Variants in SPG7 observed in about 807,000 individuals in gnomAD.
SPG7 encodes SPG7 matrix AAA peptidase subunit, paraplegin.
A neutral mutation model predicts 81.9 loss-of-function variants in SPG7; 103 were observed. The observed-to-expected ratio is 1.26, with a 90% CI of 1.07 to 1.48. The LOEUF (loss-of-function observed/expected upper bound fraction) is 1.48, where lower values mean the gene tolerates loss of function less well. SPG7 is among the 40% of genes most tolerant of loss of function. SPG7 has a pLI of 0.00. For synonymous variants in SPG7, 534 were observed against 444.2 expected, an observed-to-expected ratio of 1.20 and a Z score of -2.54; for missense variants, 1,241 against 1,087.3, an observed-to-expected ratio of 1.14 and a Z score of -1.99.
rs1387134482 is a variant in SPG7, at chr16:89,544,665, C to T, written c.1342C>T (p.His448Tyr). 1.2e-6 allele frequency: 2 copies of T among 1,614,094 alleles called. No homozygotes were observed. The highest frequency in any genetic ancestry group is 1.7e-6 in the Non-Finnish European group (2 of 1,179,980). The part of the protein sequence containing the change: ...VEMDGMGTTD[H>Y]VIVLASTNRA... ...CCCCTCAGGAATGGGTACCACAGACCATGTCATCGTCCTGGCGTCCACGAA... is the reference window on the plus strand; with the variant it reads ...CCCCTCAGGAATGGGTACCACAGACTATGTCATCGTCCTGGCGTCCACGAA... The change falls in exon 10 of 17, where the codon CAT becomes TAT. Residue 448 changes from histidine (H) to tyrosine (Y), a missense_variant. By Grantham distance (83) the His-to-Tyr change is moderately conservative. Transcript: ENST00000645818.
intron 16 of SPG7, chr16:89,555,968 G>A: frequency 2.5e-6 from 1 of 398,850 alleles, no homozygotes; most frequent in Non-Finnish European, 4.4e-6. Context: ...GGTGTGGGCG[G>A]TGCCGTCCCC....
At position 89,508,538 on chromosome 16, in the gene SPG7, C is replaced by T; in HGVS notation, c.121C>T (p.Arg41Trp). 1 of 1,511,674 alleles carries T rather than the reference C, an allele frequency of 6.6e-7. No homozygotes were observed. Among genetic ancestry groups the T allele is most frequent in the Non-Finnish European group, 8.8e-7 (1 of 1,135,476 alleles). The allele number at this position is 1,511,674 out of a possible 1,614,324, so 93.6% of individuals were successfully genotyped here. A position where few individuals can be genotyped will look rare whatever the true frequency, so the allele number is the denominator to read the frequency against. The change falls in exon 1 of 17, where the codon CGG becomes TGG. Residue 41 changes from arginine (R) to tryptophan (W), a missense_variant. Arg to Trp is a moderately radical substitution (Grantham distance 101, BLOSUM62 -3). Transcript: ENST00000645818. Reference protein sequence around the residue: ...PGFPARPGRGRPYMASRPPGD... With the variant: ...PGFPARPGRGWPYMASRPPGD... ...GTTCCCCGCCAGGCCCGGGAGGGGG[C>T]GGCCGTACATGGCCAGCAGGCCTCC...
intron 4 of SPG7, among the ~76,000 whole-genome samples, chr16:89,525,815 A>G (rs1479677503): frequency 6.6e-6 from 1 of 152,070 alleles, no homozygotes. Context: ...TGATTTTGCC[A>G]TCCTCAGTCC....
intron 5 of SPG7, chr16:89,529,126 T>C: frequency 2.8e-6 from 1 of 356,952 alleles, no homozygotes; most frequent in East Asian, 7.1e-5. Context: ...ATTTGCTTTT[T>C]ACTCTTAGGC....
intron 9 of SPG7, chr16:89,533,438 A>T (rs2058373285): frequency 1.3e-5 from 2 of 152,106 alleles, no homozygotes. Context: ...AAGTGCTGAG[A>T]TTACAGACGT....
intron 5 of SPG7, 152 bp downstream of exon 5, chr16:89,526,620 T>C (rs2058263756): frequency 1.4e-5 from 10 of 707,618 alleles, no homozygotes; most frequent in East Asian, 3.0e-5. Context: ...AAGTGAATGA[T>C]ACAATGCCAG....
chr16:89,518,514 G>A (rs1447309730), intron 3 of SPG7: 2 of 148,174 alleles, frequency 1.3e-5, no homozygotes, highest in African/African-American at 5.0e-5. Flanking sequence ...TCACTGGTAA[G>A]GCGGGTGAAC....
chr16:89,521,518 G>C (rs1435511302), intron 3 of SPG7: 6 of 152,248 alleles, frequency 3.9e-5, no homozygotes, highest in Admixed American at 3.9e-4. Context: ...TGAGGTGGGA[G>C]AATCACCTGA....
In SPG7 at chr16:89,532,587, C is replaced by A. The variant is rs778305316; in HGVS notation, c.1275C>A (p.Ser425=). The A allele has an allele frequency of 1.2e-6, 2 of 1,613,694 alleles. No individual in the cohort carries two copies. The highest frequency in any genetic ancestry group is 2.7e-5 in the African/African-American group (2 of 74,936). Residue 425 remains serine, a synonymous_variant, in exon 9 of 17, where the codon TCC becomes TCA. Coordinates refer to ENST00000645818, the MANE Select transcript of SPG7 (RefSeq NM_003119.4). ...KKRSTTMSGF[S]NTEEEQTLNQ... is the part of the protein sequence containing the mutation. ...GCTCCACCACCATGTCCGGCTTCTC[C>A]AACACGGAGGAGGAGCAGACGCTCA...
chr16:89,517,061 G>A (rs2058107014), intron 3 of SPG7: 1 of 152,374 alleles, frequency 6.6e-6, no homozygotes, highest in Admixed American at 6.5e-5. Flanking sequence ...TGTTGTCTTG[G>A]GTAGCAGGGG....
chr16:89,544,120 C>T (rs1266116442), intron 9 of SPG7: 1 of 203,326 alleles, frequency 4.9e-6, no homozygotes, highest in Admixed American at 5.3e-5. Flanking sequence ...TTATTCACAT[C>T]AAGGGCCAGT....
intron 2 of SPG7, 69 bp downstream of exon 2, chr16:89,510,661 G>A (rs544679084): frequency 5.2e-6 from 5 of 967,852 alleles, no homozygotes; most frequent in African/African-American, 4.8e-5. Context: ...TTGGGAGGCT[G>A]ATCTTTTTTT....
At chr16:89,509,904 T>C (rs1205013311) in intron 1 of SPG7, among the ~76,000 whole-genome samples, 1 of 142,962 alleles carries the variant, frequency 7.0e-6, no homozygotes, top group Non-Finnish European at 1.5e-5. Context: ...TCCTCCCACC[T>C]CAGCCTCCCA....
chr16:89,550,690 G>A, intron 13 of SPG7, 81 bp downstream of exon 13: 1 of 923,142 alleles, frequency 1.1e-6, no homozygotes, highest in African/African-American at 1.6e-5. Flanking sequence ...AGCTGACTGG[G>A]GAGTCCCGCC....
chr16:89,517,707 C>G (rs2058121603), intron 3 of SPG7: 1 of 151,446 alleles, frequency 6.6e-6, no homozygotes, highest in Non-Finnish European at 1.5e-5. Context: ...GCAAACTCCA[C>G]CTCGTGGGTT....
intron 9 of SPG7, chr16:89,541,542 G>C (rs527325355): frequency 6.2e-6 from 1 of 161,266 alleles, no homozygotes; most frequent in East Asian, 1.9e-4. Context: ...GTGTGACACA[G>C]GTGTCCATCT....
chr16:89,542,956 T>TG (rs1250409597), intron 9 of SPG7: 2 of 146,214 alleles, frequency 1.4e-5, no homozygotes, highest in Non-Finnish European at 3.0e-5. Flanking sequence ...TTTTTTTTTT[T>TG]TTTTTTTTTG....
chr16:89,511,382 G>T (rs1371431327), intron 2 of SPG7, among the ~76,000 whole-genome samples: 1 of 152,188 alleles, frequency 6.6e-6, no homozygotes, highest in Non-Finnish European at 1.5e-5. Context: ...GAACCTGAAG[G>T]ATTGACACCT....
At chr16:89,529,135 G>T in intron 5 of SPG7, 1 of 370,516 alleles carries the variant, frequency 2.7e-6, no homozygotes, top group Non-Finnish European at 5.2e-6. Flanking sequence ...TTACTCTTAG[G>T]CTGATCTTGC....
Sources: gnomAD v4.1 joint callset for allele counts (sites outside exome capture counted in the v4.1 genomes callset) on GRCh38, gnomAD v4.1.1 for gene constraint, MANE v1.5 for transcripts, NCBI Gene and HGNC (gene_info 2026-07-23, HGNC 2026-07-21) for gene names.